The following MYO10 variants were observed in gnomAD, a reference collection of about 807,000 sequenced individuals.
MYO10 encodes unconventional myosin-X.
In MYO10, 133 loss-of-function variants were observed where a neutral mutation model predicts 257.3. That is an observed-to-expected ratio of 0.52 (90% CI 0.45 to 0.60). The LOEUF is 0.60. Among genes scored for constraint, MYO10 ranks in the 20% least tolerant of loss-of-function variants. The pLI is 0.00. For missense variants in MYO10, 2,399 were observed against 2,635.7 expected, an observed-to-expected ratio of 0.91 and a Z score of 1.97; for synonymous variants, 1,104 against 1,028.6, an observed-to-expected ratio of 1.07 and a Z score of -1.40.
rs760058438 is a variant in MYO10 at position 16,676,043 on chromosome 5, T to C, written c.4654A>G (p.Ile1552Val). The C allele has an allele frequency of 6.2e-7, 1 of 1,608,590 alleles. No individual in the cohort carries two copies. The highest frequency in any genetic ancestry group is 1.3e-5 in the African/African-American group (1 of 74,532). Residue 1552 changes from isoleucine (I) to valine (V), a missense_variant, in exon 34 of 41, where the codon ATA becomes GTA. Physicochemically the swap from Ile to Val is conservative, Grantham distance 29. Around this residue, in one of 3 missense-constraint regions of MYO10, gnomAD observed 1,820 missense variants for 1,939.4 expected, o/e 0.94. Coordinates refer to ENST00000513610, the MANE Select transcript of MYO10 (RefSeq NM_012334.3). ...SPLLPLPYGD[I>V]NLNLLKDKGY... Reference sequence around the variant, plus strand: ...GCTCTGGACTTACAGTTGAGATTTATGTCCCCATACGGAAGGGGCAGGAGC... The same window carrying C: ...GCTCTGGACTTACAGTTGAGATTTACGTCCCCATACGGAAGGGGCAGGAGC...
chr5:16,683,823 C>A, intron 30 of MYO10, 57 bp downstream of exon 30: 1 of 1,563,344 alleles, frequency 6.4e-7, no homozygotes, highest in Non-Finnish European at 8.8e-7. Flanking sequence ...AGCACAGACA[C>A]CTGTGGACAC....
intron 19 of MYO10, among the ~76,000 whole-genome samples, chr5:16,750,370 A>G (rs1031881216): frequency 6.6e-6 from 1 of 152,114 alleles, no homozygotes. Flanking sequence ...CCTCCTTTGC[A>G]CCTGTTTTTC....
rs536644406 is a variant in MYO10 at position 16,742,577 on chromosome 5, C to T, written c.1929+12251G>A. On this transcript the variant is annotated intron_variant, in intron 19 of 40. Transcript: ENST00000513610. ...GCTCACGCCTATAATCCCAGCACTT[C>T]GGGAGGCCTAGGTGGGTGGATCATT... Among the ~76,000 whole-genome samples, 608 of 151,356 alleles carry T rather than the reference C, an allele frequency of 4.0e-3. 3 individuals are homozygous for T. Among genetic ancestry groups the T allele is most frequent in the African/African-American group, 0.014 (590 of 41,278 alleles).
chr5:16,675,421 G>A (rs1336350862), intron 34 of MYO10, among the ~76,000 whole-genome samples: 3 of 152,092 alleles, frequency 2.0e-5, no homozygotes, highest in South Asian at 4.1e-4. Flanking sequence ...TTTTTGGAAT[G>A]CAAAATTACT....
Position 16,676,103 on chromosome 5 carries a change from T to C in MYO10, c.4594A>G (p.Ile1532Val). Residue 1532 changes from isoleucine to valine, a missense_variant, in exon 34 of 41, where the codon ATC (isoleucine) becomes GTC (valine). Coordinates refer to ENST00000513610, the MANE Select transcript of MYO10 (RefSeq NM_012334.3). The stretch of plus-strand genomic sequence containing the variant: ...AAGGGGTGATGGGTGTATCGAAGGA[T>C]CGGGTTCCGCTTGTAAATCTGTTCC... ...VVEQIYKRNP[I>V]LRYTHHPLHS... is the part of the protein sequence containing the mutation. The C allele has an allele frequency of 1.2e-6, 2 of 1,613,442 alleles. No individual in the cohort carries two copies. The highest frequency in any genetic ancestry group is 1.1e-5 in the South Asian group (1 of 91,008).
intron 2 of MYO10, among the ~76,000 whole-genome samples, chr5:16,819,247 A>G (rs1217778250): frequency 6.6e-6 from 1 of 152,172 alleles, no homozygotes; most frequent in Non-Finnish European, 1.5e-5. Context: ...AATTCCAAAA[A>G]CAGCAATGAG....
chr5:16,735,688 A>AG (rs1159473454), intron 19 of MYO10, among the ~76,000 whole-genome samples: 2 of 144,410 alleles, frequency 1.4e-5, no homozygotes, highest in Admixed American at 1.4e-4. Flanking sequence ...GCCTCGGGAA[A>AG]AAAAAAAAAA....
intron 2 of MYO10, among the ~76,000 whole-genome samples, chr5:16,855,531 T>C (rs919292987): frequency 2.0e-5 from 3 of 152,190 alleles, no homozygotes; most frequent in Non-Finnish European, 1.5e-5. Context: ...AAAGTTGAAA[T>C]AGCTGCAAAT....
At chr5:16,755,227 G>A (rs1309405587) in intron 18 of MYO10, among the ~76,000 whole-genome samples, 1 of 152,196 alleles carries the variant, frequency 6.6e-6, no homozygotes, top group South Asian at 2.1e-4. Flanking sequence ...GTGCAGTGGC[G>A]TGATCTCGGC....
intron 1 of MYO10, among the ~76,000 whole-genome samples, chr5:16,896,909 T>C (rs253481): frequency 0.28 from 42,074 of 150,900 alleles, 7,178 homozygotes; most frequent in Admixed American, 0.41. Context: ...TCCAAAACAA[T>C]CTTGCATTAG....
At chr5:16,734,312 T>C (rs1324118180) in intron 19 of MYO10, among the ~76,000 whole-genome samples, 1 of 152,176 alleles carries the variant, frequency 6.6e-6, no homozygotes, top group African/African-American at 2.4e-5. Context: ...AGGGTTCTGA[T>C]CATATTGCTT....
At chr5:16,710,278 G>A (rs1738538146) in intron 21 of MYO10, among the ~76,000 whole-genome samples, 1 of 152,108 alleles carries the variant, frequency 6.6e-6, no homozygotes, top group Non-Finnish European at 1.5e-5. Context: ...CGAGGTTCTT[G>A]GCAGTTCCCT....
chr5:16,736,750 A>G (rs1298747112), intron 19 of MYO10, among the ~76,000 whole-genome samples: 1 of 152,206 alleles, frequency 6.6e-6, no homozygotes, highest in Non-Finnish European at 1.5e-5. Flanking sequence ...AAGAAGAAAA[A>G]GAATGTGGTA....
intron 25 of MYO10, 142 bp from the exon 26 acceptor site, chr5:16,699,715 A>T: frequency 1.1e-6 from 1 of 897,862 alleles, no homozygotes; most frequent in Non-Finnish European, 1.6e-6. Flanking sequence ...CGAACCCAGG[A>T]GGCAGTGACT....
At chr5:16,818,516 A>G (rs1742709131) in intron 2 of MYO10, among the ~76,000 whole-genome samples, 1 of 151,378 alleles carries the variant, frequency 6.6e-6, no homozygotes, top group African/African-American at 2.4e-5. Context: ...AGCTCACCGC[A>G]GCCTCCACCT....
chr5:16,923,534 G>A (rs1222196041), intron 1 of MYO10, among the ~76,000 whole-genome samples: 2 of 151,226 alleles, frequency 1.3e-5, no homozygotes, highest in African/African-American at 2.4e-5. Context: ...TGATCCACCC[G>A]TCTCGGCCTC....
At position 16,711,185 on chromosome 5, in the gene MYO10, C is replaced by T; in HGVS notation, c.1990G>A (p.Glu664Lys). 2 of 1,613,620 alleles carry T rather than the reference C, an allele frequency of 1.2e-6. No individual in the cohort carries two copies. Among genetic ancestry groups the T allele is most frequent in the East Asian group, 4.5e-5 (2 of 44,868 alleles). Residue 664 changes from glutamate (E) to lysine (K), a missense_variant, in exon 20 of 41, where the codon GAG (glutamate) becomes AAG (lysine). Physicochemically the swap from Glu to Lys is moderately conservative, Grantham distance 56. Coordinates refer to ENST00000513610, the MANE Select transcript of MYO10 (RefSeq NM_012334.3). The stretch of plus-strand genomic sequence containing the variant: ...CCAGCTTTGCGGATTCTCACAGTCT[C>T]CAGCATCCCTGAGTACCGCAGCTGG... ...LNQLRYSGML[E>K]TVRIRKAGYA...
intron 2 of MYO10, among the ~76,000 whole-genome samples, chr5:16,822,869 AGTAGAGACGGGGTTTCACTGT>A (rs1313128983): frequency 6.6e-6 from 1 of 151,630 alleles, no homozygotes; most frequent in Non-Finnish European, 1.5e-5. Flanking sequence ...TTGTATTTTT[AGTAGAGACGGGGTTTCACTGT>A]GTTAGCCAGG....
At chr5:16,839,763 T>A (rs1743419608) in intron 2 of MYO10, among the ~76,000 whole-genome samples, 1 of 152,012 alleles carries the variant, frequency 6.6e-6, no homozygotes, top group Non-Finnish European at 1.5e-5. Context: ...TTAATTAATT[T>A]AATTAATAGG....
Sources: allele counts gnomAD v4.1 joint callset (sites outside exome capture counted in the v4.1 genomes callset), GRCh38; gene constraint gnomAD v4.1.1; regional missense constraint gnomAD v4.1.1; transcripts MANE v1.5; gene names NCBI Gene and HGNC (gene_info 2026-07-23, HGNC 2026-07-21).